Variants in ARAP2 observed in about 807,000 individuals in gnomAD.
The protein encoded by ARAP2 is arf-GAP with Rho-GAP domain, ANK repeat and PH domain-containing protein 2.
A neutral mutation model predicts 194.5 loss-of-function variants in ARAP2; 148 were observed. The ratio of observed to expected loss-of-function variants is 0.76; its 90% CI spans 0.67 to 0.87. The LOEUF (loss-of-function observed/expected upper bound fraction) is 0.87. ARAP2 is among the 40% of genes least tolerant of loss of function. The pLI, the probability that ARAP2 is intolerant of heterozygous loss-of-function variation, is 0.00. For synonymous variants in ARAP2, 695 were observed against 683.5 expected, an observed-to-expected ratio of 1.02 and a Z score of -0.26; for missense variants, 2,128 against 1,989.7, an observed-to-expected ratio of 1.07 and a Z score of -1.32.
intron 6 of ARAP2, among the ~76,000 whole-genome samples, chr4:36,195,691 C>G (rs1457742800): frequency 6.6e-6 from 1 of 152,200 alleles, no homozygotes; most frequent in Non-Finnish European, 1.5e-5. Flanking sequence ...GACTCCTTAT[C>G]TTTCAGTTAC....
rs1443057363 is a variant in ARAP2, at chr4:36,133,150, T to C, written c.3427+76A>G. 10 of 1,467,652 alleles carry C rather than the reference T, an allele frequency of 6.8e-6. No homozygotes were observed. The African/African-American group carries it at 7.0e-5, about 10-fold the overall frequency. 90.9% of individuals were successfully genotyped at this position (1,467,652 alleles called of 1,614,324 possible). ...TATAAAGGGTTTTAACTCAGTCCAA[T>C]AGAGGTACCACTTAAAAACCTGTAA... On this transcript the variant is annotated intron_variant, in intron 20 of 32. Coordinates refer to ENST00000303965, the MANE Select transcript of ARAP2 (RefSeq NM_015230.4).
chr4:36,121,030 T>A (rs1420258357), intron 23 of ARAP2, 149 bp downstream of exon 23: 1 of 592,306 alleles, frequency 1.7e-6, no homozygotes, highest in East Asian at 3.6e-5. Flanking sequence ...TACTTATATC[T>A]ATAATTTAAA....
At chr4:36,198,382 T>C (rs764540203) in intron 6 of ARAP2, among the ~76,000 whole-genome samples, 26 of 152,228 alleles carry the variant, frequency 1.7e-4, no homozygotes, top group Non-Finnish European at 2.8e-4. Context: ...TACTGTGGTC[T>C]GCAGGACTAG....
At chr4:36,025,356 A>G (rs1232852532) in intron 5 of ARAP2, among the ~76,000 whole-genome samples, 2 of 152,152 alleles carry the variant, frequency 1.3e-5, no homozygotes, top group East Asian at 1.9e-4. Context: ...TAATTTTTCA[A>G]CTAATTAAAG....
chr4:36,034,324 AG>A (rs1719536732), intron 5 of ARAP2, among the ~76,000 whole-genome samples: 2 of 152,032 alleles, frequency 1.3e-5, no homozygotes, highest in Non-Finnish European at 2.9e-5. Flanking sequence ...TCCTTTAAGC[AG>A]GGTTTTGGAA....
chr4:36,075,747 GC>G (rs2109325859), intron 31 of ARAP2, among the ~76,000 whole-genome samples: 1 of 152,030 alleles, frequency 6.6e-6, no homozygotes, highest in African/African-American at 2.4e-5. Context: ...TACTTGCCTG[GC>G]AAAGCCCCAA....
chr4:36,125,103 C>T lies in ARAP2; in HGVS notation c.3641-136G>A, dbSNP rs1000972662. ...ATACAATCAGGTTTCAGTAGACAAT[C>T]GTTCAAAGTTCTAAAGTAATTGCCT... On this transcript the variant is annotated intron_variant, in intron 21 of 32. Transcript: ENST00000303965. The T allele has an allele frequency of 1.5e-5, 8 of 545,766 alleles. No homozygotes were observed. In the East Asian group the frequency reaches 2.4e-4, roughly 16 times the overall value. 33.8% of individuals were successfully genotyped at this position (545,766 alleles called of 1,614,324 possible).
rs144794748 is a variant in ARAP2 at position 36,015,185 on chromosome 4, A to T, written n.1056+201T>A. ...ATACTATATTTATTTCATTCTATTG[A>T]TTTATATCTGAAATCATTCCTCTGA... On this transcript the variant is annotated intron_variant and non_coding_transcript_variant, in intron 8 of 12. Transcript: ENST00000503225. Among the ~76,000 whole-genome samples the T allele has an allele frequency of 1.2e-3, 178 of 152,312 alleles. 1 individual carries two copies. Among genetic ancestry groups the T allele is most frequent in the African/African-American group, 4.2e-3 (173 of 41,576 alleles).
At chr4:36,022,679 T>C (rs551954869) in intron 5 of ARAP2, among the ~76,000 whole-genome samples, 6 of 152,032 alleles carry the variant, frequency 3.9e-5, no homozygotes, top group Non-Finnish European at 7.4e-5. Flanking sequence ...CATTCCAGAG[T>C]GCATGATAGA....
Position 36,078,990 on chromosome 4 carries a change from A to G in ARAP2, c.4608+1226T>C, listed in dbSNP as rs561920635. Among the ~76,000 whole-genome samples the G allele has an allele frequency of 1.4e-4, 22 of 152,112 alleles. No individual in the cohort carries two copies. The South Asian group carries it at 1.5e-3, about 10-fold the overall frequency. Reference sequence around the variant, plus strand: ...GAAGTTCGAGACCAACCTGCCCAACATGGTGAAACTCCATCTCTACTAAAA... The same window carrying G: ...GAAGTTCGAGACCAACCTGCCCAACGTGGTGAAACTCCATCTCTACTAAAA... On this transcript the variant is annotated intron_variant, in intron 31 of 32. Coordinates refer to ENST00000303965, the MANE Select transcript of ARAP2 (RefSeq NM_015230.4).
chr4:36,098,981 C>A (rs1716091683), intron 27 of ARAP2, among the ~76,000 whole-genome samples: 1 of 151,940 alleles, frequency 6.6e-6, no homozygotes, highest in Non-Finnish European at 1.5e-5. Flanking sequence ...CTGCACAGAT[C>A]AACCCAACCC....
At chr4:36,065,361 C>G (rs1169363304), downstream of ARAP2, 1 of 521,558 alleles carries the variant, frequency 1.9e-6, no homozygotes, top group African/African-American at 1.9e-5. Context: ...GTAGGCCAGG[C>G]CCTTCTTCTC....
intron 15 of ARAP2, 91 bp from the exon 16 acceptor site, chr4:36,151,135 G>A (rs1454041852): frequency 3.6e-6 from 4 of 1,097,850 alleles, no homozygotes; most frequent in African/African-American, 3.2e-5. Context: ...ATGGCTGGAT[G>A]CAAGTAAATA....
Position 36,224,465 on chromosome 4 carries a change from C to T in ARAP2, c.905+4117G>A, listed in dbSNP as rs544327687. Among the ~76,000 whole-genome samples, 66 of 152,166 alleles carry T rather than the reference C, an allele frequency of 4.3e-4. 1 individual carries two copies. In the South Asian group the frequency reaches 0.013, roughly 30 times the overall value. ...AATGCACAGATAATTAAGCCTCAAT[C>T]TGTGAAGTTTTAAAAAACATCCTTA... On this transcript the variant is annotated intron_variant, in intron 2 of 32. Transcript: ENST00000303965.
At chr4:36,016,759 C>T (rs187412101) in intron 6 of ARAP2, among the ~76,000 whole-genome samples, 10 of 152,234 alleles carry the variant, frequency 6.6e-5, no homozygotes, top group Middle Eastern at 3.4e-3. Flanking sequence ...CGCTTGAAAA[C>T]GTGAGATAAA....
At position 36,124,943 on chromosome 4, in the gene ARAP2, A is replaced by G. The variant is rs776434438; in HGVS notation, c.3665T>C (p.Ile1222Thr). The change falls in exon 22 of 33, where the codon ATT becomes ACT. Residue 1222 changes from isoleucine (I) to threonine (T), a missense_variant. By Grantham distance (89) the Ile-to-Thr change is moderately conservative. Transcript: ENST00000303965. Reference protein sequence around the residue: ...ALDTQDDKERIKKYGAFIRSL... With the variant: ...ALDTQDDKERTKKYGAFIRSL... ...ACGTATAAATGCTCCATATTTTTTA[A>G]TTCTTTCCTTGTCATCTTGCGTATC... The G allele has an allele frequency of 6.2e-7, 1 of 1,609,990 alleles. No individual in the cohort carries two copies.
At position 36,080,231 on chromosome 4, in the gene ARAP2, A is replaced by C. The variant is rs753136968; in HGVS notation, c.4593T>G (p.Ser1531Arg). Reference protein sequence around the residue: ...SSRTQTEWMTSIFIAQHEYDI... With the variant: ...SSRTQTEWMTRIFIAQHEYDI... The stretch of plus-strand genomic sequence containing the variant: ...AATCTCGTACCTGGGCAATAAAGAT[A>C]CTGGTCATCCACTCCGTCTGAGTTC... The change falls in exon 31 of 33, where the codon AGT (serine) becomes AGG (arginine). Residue 1531 changes from serine (S) to arginine (R), a missense_variant. Ser to Arg is a moderately radical substitution (Grantham distance 110). Coordinates refer to ENST00000303965, the MANE Select transcript of ARAP2 (RefSeq NM_015230.4). The C allele has an allele frequency of 6.2e-7, 1 of 1,613,126 alleles. No individual in the cohort carries two copies. The highest frequency in any genetic ancestry group is 1.7e-5 in the Admixed American group (1 of 59,968).
At chr4:36,202,024 C>T (rs547364399) in intron 6 of ARAP2, among the ~76,000 whole-genome samples, 1 of 152,252 alleles carries the variant, frequency 6.6e-6, no homozygotes, top group South Asian at 2.1e-4. Flanking sequence ...TCTAAACAAT[C>T]TCAAAGGAAA....
intron 6 of ARAP2, among the ~76,000 whole-genome samples, chr4:36,207,628 T>G (rs1388507671): frequency 6.6e-6 from 1 of 152,230 alleles, no homozygotes; most frequent in Non-Finnish European, 1.5e-5. Flanking sequence ...TGAATGTGAT[T>G]ATTTTGCTTA....
Sources: gnomAD v4.1 joint callset for allele counts (sites outside exome capture counted in the v4.1 genomes callset) on GRCh38, gnomAD v4.1.1 for gene constraint, MANE v1.5 for transcripts, NCBI Gene and HGNC (gene_info 2026-07-23, HGNC 2026-07-21) for gene names.